The following NSMCE2 variants were observed in gnomAD, a reference collection of about 807,000 sequenced individuals.
NSMCE2 encodes E3 SUMO-protein ligase NSE2.
In NSMCE2, 24 loss-of-function variants were observed where a neutral mutation model predicts 23.8. The ratio of observed to expected loss-of-function variants is 1.01; its 90% CI spans 0.73 to 1.42. The LOEUF is 1.42. Among genes scored for constraint, NSMCE2 ranks in the 40% most tolerant of loss-of-function variants. NSMCE2 has a pLI of 0.00. For missense variants in NSMCE2, 284 were observed against 296.5 expected, an observed-to-expected ratio of 0.96 and a Z score of 0.31; for synonymous variants, 92 against 94.1, an observed-to-expected ratio of 0.98 and a Z score of 0.13.
intron 3 of NSMCE2, among the ~76,000 whole-genome samples, chr8:125,128,782 G>A (rs948432826): frequency 1.3e-5 from 2 of 152,206 alleles, no homozygotes; most frequent in Non-Finnish European, 1.5e-5. Context: ...TTCTCATCCT[G>A]CATCACTATG....
chr8:125,329,320 G>T (rs1829790047), intron 5 of NSMCE2, among the ~76,000 whole-genome samples: 1 of 152,212 alleles, frequency 6.6e-6, no homozygotes, highest in Admixed American at 6.5e-5. Flanking sequence ...GACAGCAGGA[G>T]CTCCCACTAC....
intron 5 of NSMCE2, among the ~76,000 whole-genome samples, chr8:125,205,385 C>G (rs866929359): frequency 6.6e-6 from 1 of 152,124 alleles, no homozygotes; most frequent in Non-Finnish European, 1.5e-5. Flanking sequence ...AAATAGTGTA[C>G]TAAATGGAAC....
chr8:125,110,008 A>C (rs1586440399), intron 3 of NSMCE2, among the ~76,000 whole-genome samples: 1 of 152,120 alleles, frequency 6.6e-6, no homozygotes, highest in South Asian at 2.1e-4. Flanking sequence ...ATACTGACCT[A>C]ATTAACTGGA....
At chr8:125,304,716 G>A (rs1286569009) in intron 5 of NSMCE2, among the ~76,000 whole-genome samples, 1 of 151,926 alleles carries the variant, frequency 6.6e-6, no homozygotes, top group Non-Finnish European at 1.5e-5. Context: ...AATTAGCCAG[G>A]CATGGTAGCA....
intron 7 of NSMCE2, among the ~76,000 whole-genome samples, chr8:125,365,314 T>TC (rs1285735802): frequency 6.6e-6 from 1 of 152,120 alleles, no homozygotes; most frequent in African/African-American, 2.4e-5. Flanking sequence ...CCACAGCCAC[T>TC]CCATCGGCAA....
intron 3 of NSMCE2, among the ~76,000 whole-genome samples, chr8:125,127,273 T>C (rs1356606926): frequency 6.6e-6 from 1 of 152,202 alleles, no homozygotes; most frequent in East Asian, 1.9e-4. Flanking sequence ...TTAAAGTGTA[T>C]GTCTTACTGT....
chr8:125,100,274 A>AT (rs1818124897), intron 1 of NSMCE2, among the ~76,000 whole-genome samples: 1 of 152,108 alleles, frequency 6.6e-6, no homozygotes, highest in Non-Finnish European at 1.5e-5. Flanking sequence ...AGGAAAAGTC[A>AT]AGTATTGTCT....
At chr8:125,143,158 A>T (rs1403493044) in intron 3 of NSMCE2, among the ~76,000 whole-genome samples, 2 of 152,060 alleles carry the variant, frequency 1.3e-5, no homozygotes, top group Non-Finnish European at 2.9e-5. Flanking sequence ...GTTGCTAGAG[A>T]TAGTTGGAGC....
intron 4 of NSMCE2, among the ~76,000 whole-genome samples, chr8:125,163,758 G>C (rs1037543471): frequency 8.5e-5 from 13 of 152,198 alleles, no homozygotes; most frequent in Non-Finnish European, 1.5e-4. Context: ...GTCCCTGTTA[G>C]CTCTTAGAGG....
intron 5 of NSMCE2, among the ~76,000 whole-genome samples, chr8:125,323,700 G>A (rs1246747999): frequency 1.3e-5 from 2 of 152,156 alleles, no homozygotes; most frequent in Non-Finnish European, 2.9e-5. Context: ...TCATATATCT[G>A]AATATAAAAC....
chr8:125,203,717 A>G (rs112113325), intron 5 of NSMCE2, among the ~76,000 whole-genome samples: 39 of 152,296 alleles, frequency 2.6e-4, no homozygotes, highest in African/African-American at 9.4e-4. Flanking sequence ...GGAGGTGAGA[A>G]GAAAAGGAGA....
At chr8:125,259,332 G>T (rs1277278169) in intron 5 of NSMCE2, among the ~76,000 whole-genome samples, 6 of 152,176 alleles carry the variant, frequency 3.9e-5, no homozygotes, top group African/African-American at 1.4e-4. Context: ...CGCACAGCAG[G>T]AGGTGAGCAG....
chr8:125,115,790 G>A (rs1398717927), intron 3 of NSMCE2, among the ~76,000 whole-genome samples: 1 of 152,058 alleles, frequency 6.6e-6, no homozygotes, highest in Non-Finnish European at 1.5e-5. Context: ...GTTTAGTCTT[G>A]ACCTGGGAGA....
At chr8:125,249,654 C>T (rs575031152) in intron 5 of NSMCE2, among the ~76,000 whole-genome samples, 1 of 152,258 alleles carries the variant, frequency 6.6e-6, no homozygotes, top group East Asian at 1.9e-4. Flanking sequence ...CAGCCTGGCC[C>T]ACTTTGAGTT....
In NSMCE2 at chr8:125,136,447, A is replaced by G. The variant is rs151139526; in HGVS notation, c.158-14724A>G. 7.0e-3 allele frequency among the ~76,000 whole-genome samples: 1,065 copies of G among 152,306 alleles called. 12 individuals carry two copies. Among genetic ancestry groups the G allele is most frequent in the Middle Eastern group, 0.017 (5 of 294 alleles). ...GTGGACAGTAAGAGTGAGGAGTCTAAGATGACTTTATGTTTTAGGTCTTGC... is the reference window on the plus strand; with the variant it reads ...GTGGACAGTAAGAGTGAGGAGTCTAGGATGACTTTATGTTTTAGGTCTTGC... On this transcript the variant is annotated intron_variant, in intron 3 of 7. Transcript: ENST00000287437.
At position 125,322,654 on chromosome 8, in the gene NSMCE2, T is replaced by C. The variant is rs1341603238; in HGVS notation, c.419-34565T>C. ...TAAGAAAAAGCAATAAAGGCATCCA[T>C]TGGAAAAGGAGTAGTAAAATTTGCA... is the stretch of plus-strand genomic sequence containing the variant. On this transcript the variant is annotated intron_variant, in intron 5 of 7. Coordinates refer to ENST00000287437, the MANE Select transcript of NSMCE2 (RefSeq NM_173685.4). Among the ~76,000 whole-genome samples, 3 of 152,152 alleles carry C rather than the reference T, an allele frequency of 2.0e-5. No individual in the cohort carries two copies. The East Asian group carries it at 5.8e-4, about 29-fold the overall frequency.
intron 5 of NSMCE2, among the ~76,000 whole-genome samples, chr8:125,235,150 A>G (rs1486642277): frequency 6.6e-6 from 1 of 151,994 alleles, no homozygotes; most frequent in Admixed American, 6.6e-5. Flanking sequence ...CTGAGGCGGG[A>G]GAATCACTTG....
intron 5 of NSMCE2, among the ~76,000 whole-genome samples, chr8:125,306,024 A>G (rs1014905607): frequency 5.9e-5 from 9 of 152,192 alleles, no homozygotes; most frequent in Non-Finnish European, 4.4e-5. Context: ...TACAGGTCAT[A>G]GTATTGAATA....
chr8:125,155,736 G>T (rs762426803), intron 4 of NSMCE2, among the ~76,000 whole-genome samples: 2 of 152,214 alleles, frequency 1.3e-5, no homozygotes, highest in Admixed American at 6.5e-5. Context: ...CAAACTGTGG[G>T]CTTCAAATTG....
Sources: allele counts gnomAD v4.1 joint callset (sites outside exome capture counted in the v4.1 genomes callset), GRCh38; gene constraint gnomAD v4.1.1; transcripts MANE v1.5; gene names NCBI Gene and HGNC (gene_info 2026-07-23, HGNC 2026-07-21).